The following MDGA2 variants were observed in gnomAD, a reference collection of about 807,000 sequenced individuals.
The protein encoded by MDGA2 is MAM domain containing glycosylphosphatidylinositol anchor 2.
In MDGA2, 40 loss-of-function variants were observed where a neutral mutation model predicts 117.8. That is an observed-to-expected ratio of 0.34 (90% CI 0.26 to 0.44). MDGA2 has a LOEUF of 0.44. Among genes scored for constraint, MDGA2 ranks in the 20% least tolerant of loss-of-function variants. The pLI, the probability that MDGA2 is intolerant of heterozygous loss-of-function variation, is 1.00. For missense variants in MDGA2, 1,123 were observed against 1,250.6 expected (o/e 0.90, Z 1.54); for synonymous variants, 452 against 439.0 (o/e 1.03, Z -0.37).
At chr14:47,189,850 T>C (rs1488692568) in intron 3 of MDGA2, among the ~76,000 whole-genome samples, 1 of 152,150 alleles carries the variant, frequency 6.6e-6, no homozygotes, top group African/African-American at 2.4e-5. Flanking sequence ...TTTTTGGTGG[T>C]CTTTCTCACT....
chr14:47,444,898 C>T (rs369876796), intron 1 of MDGA2, among the ~76,000 whole-genome samples: 1 of 152,060 alleles, frequency 6.6e-6, no homozygotes, highest in African/African-American at 2.4e-5. Flanking sequence ...CTTCATATAC[C>T]ATAACCTAAT....
At chr14:47,303,627 G>T (rs1276956125) in intron 1 of MDGA2, among the ~76,000 whole-genome samples, 1 of 151,870 alleles carries the variant, frequency 6.6e-6, no homozygotes, top group Non-Finnish European at 1.5e-5. Flanking sequence ...TATTATAGAG[G>T]TTAACGAATT....
At chr14:47,388,063 T>C (rs1454114424) in intron 1 of MDGA2, among the ~76,000 whole-genome samples, 2 of 152,350 alleles carry the variant, frequency 1.3e-5, no homozygotes, top group African/African-American at 4.8e-5. Flanking sequence ...ACTATTTCCA[T>C]ATTTTCCTTT....
intron 11 of MDGA2, 76 bp downstream of exon 11, chr14:46,881,968 T>G: frequency 1.1e-6 from 1 of 917,304 alleles, no homozygotes; most frequent in East Asian, 2.9e-5. Context: ...TGTCTAAATT[T>G]GGTAGATAGC....
intron 7 of MDGA2, among the ~76,000 whole-genome samples, chr14:47,050,267 G>A (rs1334807076): frequency 3.3e-5 from 5 of 151,946 alleles, no homozygotes; most frequent in Non-Finnish European, 2.9e-5. Flanking sequence ...CTTCTCATAC[G>A]TAAAATGAAT....
chr14:47,188,742 A>T (rs956828484), intron 3 of MDGA2, among the ~76,000 whole-genome samples: 2 of 152,166 alleles, frequency 1.3e-5, no homozygotes, highest in Non-Finnish European at 2.9e-5. Flanking sequence ...ACAAAAATGA[A>T]ACAGTCTTGA....
chr14:47,323,482 A>G (rs1250287669), intron 1 of MDGA2, among the ~76,000 whole-genome samples: 1 of 151,984 alleles, frequency 6.6e-6, no homozygotes, highest in Non-Finnish European at 1.5e-5. Context: ...AATTTAAAAA[A>G]TTAGCCAGGC....
chr14:47,339,337 T>C (rs1014830092), intron 1 of MDGA2, among the ~76,000 whole-genome samples: 3 of 152,076 alleles, frequency 2.0e-5, no homozygotes, highest in Non-Finnish European at 4.4e-5. Flanking sequence ...TTAATAAAAG[T>C]TTAAAAATAG....
chr14:46,883,758 C>T, intron 10 of MDGA2, among the ~76,000 whole-genome samples: 1 of 151,978 alleles, frequency 6.6e-6, no homozygotes, highest in Non-Finnish European at 1.5e-5. Flanking sequence ...AACAGGTAAT[C>T]CACAGCTTTG....
chr14:47,457,820 T>TG (rs1035878414), intron 1 of MDGA2, among the ~76,000 whole-genome samples: 1 of 151,410 alleles, frequency 6.6e-6, no homozygotes, highest in African/African-American at 2.4e-5. Context: ...CTGTTTTTTT[T>TG]TTTTGTTTGT....
intron 1 of MDGA2, among the ~76,000 whole-genome samples, chr14:47,647,442 T>A (rs904118446): frequency 1.3e-5 from 2 of 150,706 alleles, no homozygotes; most frequent in Non-Finnish European, 2.9e-5. Flanking sequence ...AAAAAAAAAA[T>A]GATAATTTAT....
intron 1 of MDGA2, among the ~76,000 whole-genome samples, chr14:47,627,210 G>A (rs1164632): frequency 0.16 from 23,994 of 151,754 alleles, 1,947 homozygotes; most frequent in East Asian, 0.25. Context: ...GCCTAGCTCA[G>A]GGTTTGTGAA....
In MDGA2 at chr14:47,477,116, C is replaced by T. The variant is rs528667833; in HGVS notation, c.281-175566G>A. 5.8e-4 allele frequency among the ~76,000 whole-genome samples: 88 copies of T among 152,248 alleles called. 1 individual carries two copies. The highest frequency in any genetic ancestry group is 2.0e-3 in the African/African-American group (85 of 41,556). On this transcript the variant is annotated intron_variant, in intron 1 of 16. Transcript: ENST00000399232. The stretch of plus-strand genomic sequence containing the variant: ...GGTGAAGGTTGCAGTGAGCCGAGAT[C>T]GTGCCATTGCACTCCAGCCTGGGTG...
chr14:47,234,090 T>C (rs867601020), intron 2 of MDGA2, among the ~76,000 whole-genome samples: 12 of 152,138 alleles, frequency 7.9e-5, no homozygotes, highest in African/African-American at 2.6e-4. Context: ...AACTTACTTT[T>C]TACATTCAGA....
intron 7 of MDGA2, among the ~76,000 whole-genome samples, chr14:47,040,820 T>C (rs982004601): frequency 1.3e-5 from 2 of 152,200 alleles, no homozygotes; most frequent in African/African-American, 4.8e-5. Flanking sequence ...TTTTCTTCTA[T>C]GTTTATATCC....
rs1411226455 is a variant in MDGA2, at chr14:46,929,623, A to G, written c.2090-9463T>C. Among the ~76,000 whole-genome samples the G allele has an allele frequency of 2.2e-3, 53 of 24,440 alleles. 5 individuals are homozygous for G. The highest frequency in any genetic ancestry group is 0.013 in the East Asian group (18 of 1,358). 16.0% of individuals were successfully genotyped at this position (24,440 alleles called of 152,430 possible). On this transcript the variant is annotated intron_variant, in intron 9 of 16. Coordinates refer to ENST00000399232, the MANE Select transcript of MDGA2 (RefSeq NM_001113498.3). ...TGTGTATATATATATATATATATAT[A>G]TATATATATATATATATATATATAC...
chr14:47,452,699 G>C (rs1463358130), intron 1 of MDGA2, among the ~76,000 whole-genome samples: 1 of 151,898 alleles, frequency 6.6e-6, no homozygotes, highest in African/African-American at 2.4e-5. Flanking sequence ...TCTAACCAAG[G>C]ATACATTTCC....
intron 1 of MDGA2, among the ~76,000 whole-genome samples, chr14:47,518,242 C>T (rs981176627): frequency 1.4e-4 from 22 of 151,956 alleles, no homozygotes; most frequent in Admixed American, 3.9e-4. Context: ...GGAGGATGGG[C>T]GGGTGGTAGT....
intron 8 of MDGA2, among the ~76,000 whole-genome samples, chr14:46,962,351 G>T (rs1885845671): frequency 6.6e-6 from 1 of 151,826 alleles, no homozygotes; most frequent in South Asian, 2.1e-4. Context: ...TGTAGATTGG[G>T]TTTACTTCTG....
Sources: allele counts gnomAD v4.1 joint callset (sites outside exome capture counted in the v4.1 genomes callset), GRCh38; gene constraint gnomAD v4.1.1; transcripts MANE v1.5; gene names NCBI Gene and HGNC (gene_info 2026-07-23, HGNC 2026-07-21).